The following ASIC2 variants were observed in gnomAD, a reference collection of about 807,000 sequenced individuals.
ASIC2 encodes acid-sensing ion channel 2.
A neutral mutation model predicts 57.3 loss-of-function variants in ASIC2; 25 were observed. The ratio of observed to expected loss-of-function variants is 0.44; its 90% CI spans 0.32 to 0.61. The LOEUF is 0.61. Among genes scored for constraint, ASIC2 ranks in the 20% least tolerant of loss-of-function variants. The pLI, the probability that ASIC2 is intolerant of heterozygous loss-of-function variation, is 0.06. For missense variants in ASIC2, 641 were observed against 738.1 expected, an observed-to-expected ratio of 0.87 and a Z score of 1.52; for synonymous variants, 319 against 307.5, an observed-to-expected ratio of 1.04 and a Z score of -0.39.
At chr17:33,725,884 G>A (rs918900421) in intron 1 of ASIC2, among the ~76,000 whole-genome samples, 1 of 152,304 alleles carries the variant, frequency 6.6e-6, no homozygotes, top group African/African-American at 2.4e-5. Context: ...AGCCACACGA[G>A]GGCAGCACAT....
chr17:34,048,926 G>T (rs569895424), intron 1 of ASIC2, among the ~76,000 whole-genome samples: 1 of 152,314 alleles, frequency 6.6e-6, no homozygotes, highest in African/African-American at 2.4e-5. Context: ...CCAGAGAACA[G>T]ACTGTGCGGT....
At chr17:33,806,679 A>G (rs753395097) in intron 1 of ASIC2, among the ~76,000 whole-genome samples, 2 of 152,200 alleles carry the variant, frequency 1.3e-5, no homozygotes, top group Non-Finnish European at 2.9e-5. Flanking sequence ...GCACTTTTGC[A>G]CTGAAGGCAG....
At chr17:33,102,650 T>C (rs2092216240) in intron 2 of ASIC2, among the ~76,000 whole-genome samples, 1 of 152,224 alleles carries the variant, frequency 6.6e-6, no homozygotes, top group Non-Finnish European at 1.5e-5. Flanking sequence ...CCTCTGATTT[T>C]CTTATTTTTC....
intron 2 of ASIC2, among the ~76,000 whole-genome samples, chr17:33,095,170 T>A (rs1222379137): frequency 6.6e-6 from 1 of 152,154 alleles, no homozygotes; most frequent in African/African-American, 2.4e-5. Context: ...ATGAATTCAG[T>A]ATTTCTGGCT....
At chr17:33,750,914 T>A (rs1390431300) in intron 1 of ASIC2, among the ~76,000 whole-genome samples, 2 of 152,004 alleles carry the variant, frequency 1.3e-5, no homozygotes, top group African/African-American at 2.4e-5. Flanking sequence ...ATTGGAGAGA[T>A]CCCCAGGCAA....
chr17:34,022,921 T>C (rs577882513), intron 1 of ASIC2, among the ~76,000 whole-genome samples: 23 of 152,126 alleles, frequency 1.5e-4, no homozygotes, highest in Non-Finnish European at 2.1e-4. Flanking sequence ...CTTCTTATGA[T>C]AGTGAGTGAG....
intron 1 of ASIC2, among the ~76,000 whole-genome samples, chr17:33,663,150 G>T (rs1281654094): frequency 1.6e-4 from 25 of 152,194 alleles, no homozygotes; most frequent in Non-Finnish European, 8.8e-5. Flanking sequence ...AGCAAGGTAA[G>T]TATATTTCCC....
intron 3 of ASIC2, among the ~76,000 whole-genome samples, chr17:33,050,192 A>C (rs548603161): frequency 5.9e-5 from 9 of 152,256 alleles, no homozygotes; most frequent in African/African-American, 2.2e-4. Context: ...GCCGCTGGGA[A>C]ATTTTTTCAG....
At chr17:33,756,151 T>A (rs1910598074) in intron 1 of ASIC2, among the ~76,000 whole-genome samples, 1 of 152,216 alleles carries the variant, frequency 6.6e-6, no homozygotes. Context: ...ACCAACAGGA[T>A]AAGTGGCATG....
intron 1 of ASIC2, among the ~76,000 whole-genome samples, chr17:33,864,060 T>C (rs1212309167): frequency 6.6e-6 from 1 of 151,518 alleles, no homozygotes; most frequent in Admixed American, 6.6e-5. Context: ...AGCACTATTA[T>C]GCCCTGCTAA....
intron 2 of ASIC2, among the ~76,000 whole-genome samples, chr17:33,100,899 T>C (rs2092209624): frequency 6.6e-6 from 1 of 152,394 alleles, no homozygotes; most frequent in Non-Finnish European, 1.5e-5. Flanking sequence ...ACACTTAGCA[T>C]GTGCATTACG....
At chr17:34,088,485 G>T (rs565539547) in intron 1 of ASIC2, among the ~76,000 whole-genome samples, 2 of 152,150 alleles carry the variant, frequency 1.3e-5, no homozygotes, top group East Asian at 3.9e-4. Context: ...CTGCTCAGGG[G>T]TCAGGGACCC....
At chr17:33,803,220 A>G (rs1597882614) in intron 1 of ASIC2, among the ~76,000 whole-genome samples, 1 of 152,214 alleles carries the variant, frequency 6.6e-6, no homozygotes, top group Admixed American at 6.5e-5. Flanking sequence ...TGAAAACATC[A>G]GGGGTAAAGA....
chr17:33,681,047 T>G (rs887516707), intron 1 of ASIC2, among the ~76,000 whole-genome samples: 1 of 152,132 alleles, frequency 6.6e-6, no homozygotes, highest in Non-Finnish European at 1.5e-5. Context: ...GTTTCTTAGG[T>G]GAAGCTCAGT....
upstream of ASIC2, among the ~76,000 whole-genome samples, chr17:33,297,395 A>T (rs531671838): frequency 1.3e-5 from 2 of 152,242 alleles, no homozygotes; most frequent in Non-Finnish European, 1.5e-5. Flanking sequence ...CCCTTGCTTC[A>T]GGAATTTCAT....
chr17:33,700,994 CAAT>C (rs979315256), intron 1 of ASIC2, among the ~76,000 whole-genome samples: 21 of 152,228 alleles, frequency 1.4e-4, no homozygotes, highest in African/African-American at 5.1e-4. Flanking sequence ...AATCACCACA[CAAT>C]AATAATTTTA....
intron 1 of ASIC2, among the ~76,000 whole-genome samples, chr17:33,716,164 T>A (rs1485643139): frequency 6.6e-6 from 1 of 152,208 alleles, no homozygotes; most frequent in Admixed American, 6.5e-5. Flanking sequence ...AGGAACAGCC[T>A]TCTAACTGGT....
At chr17:34,047,528 A>G (rs1438074697) in intron 1 of ASIC2, among the ~76,000 whole-genome samples, 2 of 151,248 alleles carry the variant, frequency 1.3e-5, no homozygotes, top group African/African-American at 4.9e-5. Context: ...AAAAAAAAAA[A>G]AAAAAGACTG....
At chr17:33,048,765 A>G (rs2091964621) in intron 3 of ASIC2, among the ~76,000 whole-genome samples, 1 of 152,062 alleles carries the variant, frequency 6.6e-6, no homozygotes, top group Non-Finnish European at 1.5e-5. Flanking sequence ...CTGGAGTTCC[A>G]GGTTGGGTTT....
Sources: allele counts gnomAD v4.1 joint callset (sites outside exome capture counted in the v4.1 genomes callset), GRCh38; gene constraint gnomAD v4.1.1; transcripts MANE v1.5; gene names NCBI Gene and HGNC (gene_info 2026-07-23, HGNC 2026-07-21).